Variants in LRP1B observed in about 807,000 individuals in gnomAD.
The protein encoded by LRP1B is low-density lipoprotein receptor-related protein 1B.
Under a neutral mutation model 556.6 loss-of-function variants are expected in LRP1B, and 217 were observed. The ratio of observed to expected loss-of-function variants is 0.39; its 90% CI spans 0.35 to 0.44. LRP1B has a LOEUF of 0.44. Among genes scored for constraint, LRP1B ranks in the 20% least tolerant of loss-of-function variants. The pLI is 1.00. For missense variants in LRP1B, 5,053 were observed against 5,620.8 expected (o/e 0.90, Z 3.23); for synonymous variants, 2,047 against 1,865.8 (o/e 1.10, Z -2.50).
At chr2:141,415,597 C>A (rs1294083034) in intron 3 of LRP1B, among the ~76,000 whole-genome samples, 1 of 152,150 alleles carries the variant, frequency 6.6e-6, no homozygotes, top group Non-Finnish European at 1.5e-5. Flanking sequence ...TATTTTTCCT[C>A]CTCGACTTAC....
intron 7 of LRP1B, among the ~76,000 whole-genome samples, chr2:141,100,315 C>T (rs1700428209): frequency 6.6e-6 from 1 of 152,100 alleles, no homozygotes; most frequent in Non-Finnish European, 1.5e-5. Flanking sequence ...TTTTCTTTGA[C>T]CTTGAAATTA....
intron 35 of LRP1B, among the ~76,000 whole-genome samples, chr2:140,736,263 T>C (rs1687943157): frequency 6.6e-6 from 1 of 152,124 alleles, no homozygotes; most frequent in East Asian, 1.9e-4. Context: ...GATAGTACTG[T>C]AGTTGCAGTA....
At chr2:141,131,614 A>G (rs958061583) in intron 7 of LRP1B, among the ~76,000 whole-genome samples, 3 of 151,716 alleles carry the variant, frequency 2.0e-5, no homozygotes, top group Admixed American at 1.3e-4. Context: ...TGAACAAAAG[A>G]AATTAATTAT....
At chr2:142,126,247 T>G (rs760626963) in intron 1 of LRP1B, among the ~76,000 whole-genome samples, 3 of 151,036 alleles carry the variant, frequency 2.0e-5, no homozygotes, top group African/African-American at 7.3e-5. Context: ...AAAAATAACT[T>G]AAAATTTTTT....
intron 2 of LRP1B, among the ~76,000 whole-genome samples, chr2:141,636,920 A>G (rs1558770230): frequency 6.6e-6 from 1 of 152,174 alleles, no homozygotes; most frequent in Non-Finnish European, 1.5e-5. Context: ...AATATATAGA[A>G]GGATGCCTGG....
intron 3 of LRP1B, among the ~76,000 whole-genome samples, chr2:141,430,323 T>G (rs1486262035): frequency 1.3e-5 from 2 of 152,156 alleles, no homozygotes; most frequent in African/African-American, 2.4e-5. Flanking sequence ...ATGTTCAATA[T>G]CTCTTGTGAT....
At chr2:140,848,261 C>G (rs1261551545) in intron 29 of LRP1B, among the ~76,000 whole-genome samples, 1 of 152,130 alleles carries the variant, frequency 6.6e-6, no homozygotes, top group Non-Finnish European at 1.5e-5. Flanking sequence ...AATGCTTATC[C>G]AACCACATTT....
intron 66 of LRP1B, among the ~76,000 whole-genome samples, chr2:140,440,682 C>A (rs1027093387): frequency 5.9e-5 from 9 of 151,814 alleles, no homozygotes; most frequent in Non-Finnish European, 1.3e-4. Context: ...AGCACCTGTG[C>A]ACAATAAAAT....
At chr2:141,147,625 A>T (rs1701819124) in intron 7 of LRP1B, among the ~76,000 whole-genome samples, 1 of 152,210 alleles carries the variant, frequency 6.6e-6, no homozygotes, top group Admixed American at 6.6e-5. Flanking sequence ...TTAAAAAATC[A>T]ATTATGTGTC....
chr2:142,112,402 C>A (rs1027462584), intron 1 of LRP1B, among the ~76,000 whole-genome samples: 2 of 151,632 alleles, frequency 1.3e-5, no homozygotes, highest in Non-Finnish European at 2.9e-5. Context: ...AATGTGTGAT[C>A]CATGATTATG....
At chr2:140,399,174 C>CACACACATACACACACACACACACACACA (rs1458334226) in intron 66 of LRP1B, among the ~76,000 whole-genome samples, 1 of 148,924 alleles carries the variant, frequency 6.7e-6, no homozygotes, top group Non-Finnish European at 1.5e-5. Context: ...TACACACACA[C>CACACACATACACACACACACACACACACA]ACACACACAC....
rs371575806 is a variant in LRP1B at position 141,228,723 on chromosome 2, G to A, written c.850+460C>T. On this transcript the variant is annotated intron_variant, in intron 6 of 90. Coordinates refer to ENST00000389484, the MANE Select transcript of LRP1B (RefSeq NM_018557.3). ...ATCACAAATCACAAGTTTTTTGGAAGAGGATGTATAAAAATTAATTTCCTT... is the reference window on the plus strand; with the variant it reads ...ATCACAAATCACAAGTTTTTTGGAAAAGGATGTATAAAAATTAATTTCCTT... Among the ~76,000 whole-genome samples, 73 of 152,248 alleles carry A rather than the reference G, an allele frequency of 4.8e-4. 2 individuals carry two copies. In the South Asian group the frequency reaches 0.011, roughly 22 times the overall value.
At chr2:141,075,972 A>C (rs902254683) in intron 7 of LRP1B, among the ~76,000 whole-genome samples, 5 of 152,200 alleles carry the variant, frequency 3.3e-5, no homozygotes, top group Non-Finnish European at 7.3e-5. Context: ...GTGATGATAA[A>C]ATCATAGGAT....
intron 25 of LRP1B, among the ~76,000 whole-genome samples, chr2:140,879,191 T>C (rs990709792): frequency 1.3e-5 from 2 of 152,254 alleles, no homozygotes; most frequent in South Asian, 2.1e-4. Context: ...GAAATTGGTG[T>C]CTACCTTGTA....
intron 41 of LRP1B, among the ~76,000 whole-genome samples, chr2:140,640,017 T>G (rs1015678550): frequency 7.2e-5 from 11 of 152,308 alleles, no homozygotes; most frequent in East Asian, 1.9e-4. Flanking sequence ...TTGTTTGTTT[T>G]TTTAAGACAG....
In LRP1B at chr2:140,324,062, T is replaced by C. The variant is rs1680318782; in HGVS notation, c.12345A>G (p.Leu4115=). The change falls in exon 81 of 91, where the codon TTA becomes TTG. Residue 4115 remains leucine (L), a synonymous_variant. Coordinates refer to ENST00000389484, the MANE Select transcript of LRP1B (RefSeq NM_018557.3). ...AGATATCGATCCTATGTGGATGTAA[T>C]AAACCTGGAATTTTAAAAAGGCAGT... ...SVVSVSSKQG[L]LHPHRIDIFE... 6 of 1,599,080 alleles carry C rather than the reference T, an allele frequency of 3.8e-6. No individual in the cohort carries two copies. The highest frequency in any genetic ancestry group is 5.1e-6 in the Non-Finnish European group (6 of 1,169,604).
chr2:141,842,598 T>G (rs922096638), intron 1 of LRP1B, among the ~76,000 whole-genome samples: 6 of 152,140 alleles, frequency 3.9e-5, no homozygotes, highest in Non-Finnish European at 8.8e-5. Context: ...CAATTATGAT[T>G]ATTAGCTACT....
chr2:141,981,551 C>T (rs180673486), intron 1 of LRP1B, among the ~76,000 whole-genome samples: 171 of 152,054 alleles, frequency 1.1e-3, no homozygotes, highest in Non-Finnish European at 2.1e-3. Context: ...ATTCTGTGTT[C>T]GAGATTATAA....
At chr2:141,166,489 G>A (rs1024777348) in intron 7 of LRP1B, among the ~76,000 whole-genome samples, 1 of 150,936 alleles carries the variant, frequency 6.6e-6, no homozygotes, top group Non-Finnish European at 1.5e-5. Flanking sequence ...CAGAGTAAAT[G>A]GGGTATCCAT....
Sources: gnomAD v4.1 joint callset for allele counts (sites outside exome capture counted in the v4.1 genomes callset) on GRCh38, gnomAD v4.1.1 for gene constraint, MANE v1.5 for transcripts, NCBI Gene and HGNC (gene_info 2026-07-23, HGNC 2026-07-21) for gene names.